The following HPGDS variants were observed in gnomAD, a reference collection of about 807,000 sequenced individuals.
The protein encoded by HPGDS is hematopoietic prostaglandin D synthase.
HPGDS carries 26 observed loss-of-function variants against 23.1 expected under a neutral mutation model. The observed-to-expected ratio is 1.13, with a 90% CI of 0.83 to 1.56. HPGDS has a LOEUF of 1.56. Among genes scored for constraint, HPGDS ranks in the 40% most tolerant of loss-of-function variants. The pLI is 0.00. For synonymous variants in HPGDS, 95 were observed against 77.9 expected (o/e 1.22, Z -1.16); for missense variants, 268 against 236.4 (o/e 1.13, Z -0.88).
intron 4 of HPGDS, chr4:94,303,803 A>T (rs1045580396): frequency 6.6e-6 from 1 of 152,150 alleles, no homozygotes; most frequent in Non-Finnish European, 1.5e-5. Flanking sequence ...GTGCATTTCC[A>T]GAGCTTCAGG....
At chr4:94,315,169 C>A (rs1044434080) in intron 3 of HPGDS, among the ~76,000 whole-genome samples, 1 of 64,968 alleles carries the variant, frequency 1.5e-5, no homozygotes, top group Non-Finnish European at 3.6e-5. Context: ...CTGACAATCC[C>A]CAGTGAGACA....
chr4:94,301,522 A>G (rs115493809), intron 5 of HPGDS, among the ~76,000 whole-genome samples: 295 of 152,318 alleles, frequency 1.9e-3, no homozygotes, highest in African/African-American at 6.8e-3. Flanking sequence ...TATAAAATAC[A>G]TATGAGTTTA....
At chr4:94,313,658 G>T (rs375562961) in intron 3 of HPGDS, among the ~76,000 whole-genome samples, 1 of 152,134 alleles carries the variant, frequency 6.6e-6, no homozygotes, top group African/African-American at 2.4e-5. Context: ...GGCGTTCTCT[G>T]TATTTCCTGA....
In HPGDS at chr4:94,317,924, G is replaced by A; in HGVS notation, c.175C>T (p.Leu59Phe). Residue 59 changes from leucine to phenylalanine, a missense_variant, in exon 3 of 6, where the codon CTT (leucine) becomes TTT (phenylalanine). Leu to Phe is a conservative substitution (Grantham distance 22). Coordinates refer to ENST00000295256, the MANE Select transcript of HPGDS (RefSeq NM_014485.3). ...GKIPILEVDG[L>F]TLHQSLAIAR... The stretch of plus-strand genomic sequence containing the variant: ...ATTGCTAGGCTCTGGTGAAGAGTAA[G>A]TCCATCAACTTCCAAAATGGGGATT... 6.2e-7 allele frequency: 1 copy of A among 1,612,056 alleles called. No individual in the cohort carries two copies. Among genetic ancestry groups the A allele is most frequent in the Non-Finnish European group, 8.5e-7 (1 of 1,178,978 alleles).
intron 2 of HPGDS, among the ~76,000 whole-genome samples, chr4:94,318,494 T>C (rs1579437943): frequency 6.6e-6 from 1 of 152,190 alleles, no homozygotes; most frequent in Admixed American, 6.5e-5. Flanking sequence ...CTAGTGATCA[T>C]TCAGGACCAT....
At chr4:94,309,553 A>G (rs1756216529) in intron 3 of HPGDS, among the ~76,000 whole-genome samples, 2 of 152,052 alleles carry the variant, frequency 1.3e-5, no homozygotes, top group South Asian at 4.2e-4. Flanking sequence ...ACTTGGTTCC[A>G]AGTCTTTGCT....
chr4:94,334,279 T>C, intron 2 of HPGDS: 1 of 408,536 alleles, frequency 2.4e-6, no homozygotes, highest in Non-Finnish European at 4.3e-6. Flanking sequence ...TAAAGCTTTA[T>C]ACTGGTTTAC....
At chr4:94,318,311 G>A (rs10033662) in intron 2 of HPGDS, among the ~76,000 whole-genome samples, 94,116 of 151,978 alleles carry the variant, frequency 0.62, 29,742 homozygotes, top group African/African-American at 0.69. Context: ...TATTAAAATC[G>A]TAGTCTGAGG....
chr4:94,335,062 C>A (rs1463645109), intron 1 of HPGDS, among the ~76,000 whole-genome samples: 1 of 152,158 alleles, frequency 6.6e-6, no homozygotes. Flanking sequence ...TTTATGAGGA[C>A]ATCTGGGTAA....
chr4:94,332,525 C>A (rs1319169782), intron 2 of HPGDS, among the ~76,000 whole-genome samples: 1 of 152,164 alleles, frequency 6.6e-6, no homozygotes, highest in African/African-American at 2.4e-5. Flanking sequence ...TCGCAGGCAC[C>A]CCAACCTGGG....
intron 1 of HPGDS, among the ~76,000 whole-genome samples, chr4:94,337,542 G>T (rs1054736296): frequency 2.0e-4 from 30 of 151,944 alleles, no homozygotes; most frequent in Admixed American, 1.1e-3. Flanking sequence ...GGGGGTGGTG[G>T]CGGGCGCCTG....
At chr4:94,310,168 C>A (rs1468669742) in intron 3 of HPGDS, among the ~76,000 whole-genome samples, 7 of 152,170 alleles carry the variant, frequency 4.6e-5, no homozygotes, top group Non-Finnish European at 8.8e-5. Flanking sequence ...GCTTTTGTTG[C>A]CATTGCTTTT....
chr4:94,315,234 C>T lies in HPGDS; in HGVS notation c.226+2639G>A, dbSNP rs556459287. Among the ~76,000 whole-genome samples the T allele has an allele frequency of 1.2e-3, 186 of 152,274 alleles. 1 individual carries two copies. The highest frequency in any genetic ancestry group is 8.7e-4 in the Non-Finnish European group (59 of 68,016). On this transcript the variant is annotated intron_variant, in intron 3 of 5. Transcript: ENST00000295256. ...AATCATTCATCTTCTGCATCGCTCA[C>T]GCTTCGAGCTGTAGACTGGAGCTGT...
intron 1 of HPGDS, 132 bp from the exon 2 acceptor site, chr4:94,334,770 C>G: frequency 1.4e-6 from 1 of 703,998 alleles, no homozygotes; most frequent in Non-Finnish European, 2.2e-6. Context: ...TATTTCAAAA[C>G]CAAAATTATA....
Position 94,308,615 on chromosome 4 carries a change from A to T in HPGDS, c.336+19T>A, listed in dbSNP as rs769663516. Reference sequence around the variant, plus strand: ...GTGGTATATAATTAATACTAGGAATAGCAAATGGATCACATTACTTTCACA... The same window carrying T: ...GTGGTATATAATTAATACTAGGAATTGCAAATGGATCACATTACTTTCACA... On this transcript the variant is annotated intron_variant, in intron 4 of 5. Transcript: ENST00000295256. 4 of 1,348,306 alleles carry T rather than the reference A, an allele frequency of 3.0e-6. No homozygotes were observed. The South Asian group carries it at 4.8e-5, about 16-fold the overall frequency. The allele number at this position is 1,348,306 out of a possible 1,614,324, so 83.5% of individuals were successfully genotyped here.
intron 2 of HPGDS, among the ~76,000 whole-genome samples, chr4:94,324,116 T>C (rs1756578649): frequency 6.6e-6 from 1 of 152,254 alleles, no homozygotes; most frequent in Non-Finnish European, 1.5e-5. Flanking sequence ...GTAGAGTTTC[T>C]GCTGAGAGAT....
At chr4:94,340,363 G>T (rs1361155675) in intron 1 of HPGDS, among the ~76,000 whole-genome samples, 1 of 45,768 alleles carries the variant, frequency 2.2e-5, no homozygotes, top group Non-Finnish European at 4.5e-5. Flanking sequence ...TTTTGAGACG[G>T]AGTCTCTCTC....
At chr4:94,301,848 A>C (rs1212605879) in intron 5 of HPGDS, among the ~76,000 whole-genome samples, 1 of 152,078 alleles carries the variant, frequency 6.6e-6, no homozygotes, top group Non-Finnish European at 1.5e-5. Context: ...TCTCTAGTAG[A>C]GTACATATGT....
At chr4:94,338,210 G>A (rs561396881) in intron 1 of HPGDS, among the ~76,000 whole-genome samples, 2 of 152,288 alleles carry the variant, frequency 1.3e-5, no homozygotes, top group African/African-American at 4.8e-5. Context: ...GATCACTTGA[G>A]GTCAGGAGTT....
Sources: allele counts gnomAD v4.1 joint callset (sites outside exome capture counted in the v4.1 genomes callset), GRCh38; gene constraint gnomAD v4.1.1; transcripts MANE v1.5; gene names NCBI Gene and HGNC (gene_info 2026-07-23, HGNC 2026-07-21).